Variants in KSR1 observed in about 807,000 individuals in gnomAD.
KSR1 encodes the protein kinase suppressor of ras 1.
A neutral mutation model predicts 92.9 loss-of-function variants in KSR1; 35 were observed. The observed-to-expected ratio is 0.38, with a 90% CI of 0.29 to 0.50. KSR1 has a LOEUF of 0.50. Ranked by LOEUF, KSR1 falls within the 20% of genes least tolerant of loss-of-function variation. The pLI, the probability that KSR1 is intolerant of heterozygous loss-of-function variation, is 0.94. For synonymous variants in KSR1, 467 were observed against 472.6 expected (o/e 0.99, Z 0.15); for missense variants, 972 against 1,158.5 (o/e 0.84, Z 2.34).
At chr17:27,505,011 A>C (rs1054966196) in intron 1 of KSR1, among the ~76,000 whole-genome samples, 1 of 152,168 alleles carries the variant, frequency 6.6e-6, no homozygotes, top group African/African-American at 2.4e-5. Flanking sequence ...TGTCCCATAA[A>C]GCCAGGGAAA....
Position 27,492,519 on chromosome 17 carries a change from T to G in KSR1, c.231+35645T>G, listed in dbSNP as rs377738469. ...AGCTGCCATGTGACCTTGGACAAGC[T>G]GCTTCCCTTCCCTTGCTTGGGCTGA... is the stretch of plus-strand genomic sequence containing the variant. On this transcript the variant is annotated intron_variant, in intron 1 of 20. Transcript: ENST00000644974. 1.8e-4 allele frequency among the ~76,000 whole-genome samples: 28 copies of G among 152,332 alleles called. 1 individual carries two copies. The East Asian group carries it at 3.9e-3, about 21-fold the overall frequency.
intron 1 of KSR1, among the ~76,000 whole-genome samples, chr17:27,482,785 T>G (rs975623015): frequency 6.6e-6 from 1 of 152,118 alleles, no homozygotes; most frequent in Non-Finnish European, 1.5e-5. Context: ...ATAAATGAAA[T>G]AAGTGGAGGG....
chr17:27,603,966 C>A, intron 12 of KSR1, 78 bp downstream of exon 12: 2 of 1,409,240 alleles, frequency 1.4e-6, no homozygotes, highest in African/African-American at 1.4e-5. Flanking sequence ...GGCCACCTCC[C>A]ACTCCACCTT....
At chr17:27,487,109 A>G (rs1465593745) in intron 1 of KSR1, among the ~76,000 whole-genome samples, 1 of 152,212 alleles carries the variant, frequency 6.6e-6, no homozygotes, top group Non-Finnish European at 1.5e-5. Flanking sequence ...GTTGCTATAC[A>G]GGACTACCTA....
At chr17:27,497,259 G>T (rs889782951) in intron 1 of KSR1, among the ~76,000 whole-genome samples, 4 of 152,120 alleles carry the variant, frequency 2.6e-5, no homozygotes, top group African/African-American at 9.7e-5. Flanking sequence ...CAGAGAAACA[G>T]AGGCTGAAGC....
chr17:27,611,745 C>A, intron 18 of KSR1, 116 bp downstream of exon 18: 1 of 1,161,106 alleles, frequency 8.6e-7, no homozygotes. Context: ...GCTCTGCCAC[C>A]TGCACGTGTC....
At chr17:27,539,115 C>G (rs555512297) in intron 1 of KSR1, among the ~76,000 whole-genome samples, 13 of 152,322 alleles carry the variant, frequency 8.5e-5, no homozygotes, top group South Asian at 4.1e-4. Flanking sequence ...GCAGCCTCTG[C>G]CTTTTTCACT....
In KSR1 at chr17:27,578,181, G is replaced by A. The variant is rs780644618; in HGVS notation, c.520+542G>A. ...TATTCACAGGCTTTCTAAATCTTGC[G>A]TCGGAAACAGCTTCAAATGCCTGAC... On this transcript the variant is annotated intron_variant, in intron 3 of 20. Transcript: ENST00000644974. The A allele has an allele frequency of 4.8e-5, 8 of 168,392 alleles. No homozygotes were observed. In the East Asian group the frequency reaches 7.5e-4, roughly 16 times the overall value. The allele number at this position is 168,392 out of a possible 1,614,324, so 10.4% of individuals were successfully genotyped here. A position where few individuals can be genotyped will look rare whatever the true frequency, so the allele number is the denominator to read the frequency against.
At position 27,605,806 on chromosome 17, in the gene KSR1, A is replaced by G; in HGVS notation, c.1987A>G (p.Ile663Val). ...CATGAACCCGCCCCACCTGGCCATTATCACCAGGTAACCAAGCCCTAGGAC... is the reference window on the plus strand; with the variant it reads ...CATGAACCCGCCCCACCTGGCCATTGTCACCAGGTAACCAAGCCCTAGGAC... Reference protein sequence around the residue: ...ACMNPPHLAIITSFCKGRTLH... With the variant: ...ACMNPPHLAIVTSFCKGRTLH... The change falls in exon 14 of 21, where the codon ATC (isoleucine) becomes GTC (valine). Residue 663 changes from isoleucine to valine, a missense_variant. Physicochemically the swap from Ile to Val is conservative, Grantham distance 29. Coordinates refer to ENST00000644974, the MANE Select transcript of KSR1 (RefSeq NM_001394583.1). 7 of 1,612,546 alleles carry G rather than the reference A, an allele frequency of 4.3e-6. No homozygotes were observed. Among genetic ancestry groups the G allele is most frequent in the Non-Finnish European group, 5.9e-6 (7 of 1,179,762 alleles).
chr17:27,588,299 A>G lies in KSR1; in HGVS notation c.986-176A>G, dbSNP rs191614533. The G allele has an allele frequency of 1.9e-3, 876 of 454,656 alleles. 8 individuals carry two copies. Among genetic ancestry groups the G allele is most frequent in the Non-Finnish European group, 6.6e-4 (172 of 261,814 alleles). The allele number at this position is 454,656 out of a possible 1,614,324, so 28.2% of individuals were successfully genotyped here. Reference sequence around the variant, plus strand: ...CAAGCGAGGCGAGGGGAACCACACCATGCCACTGGGCTAGCCTGGCCTGCT... The same window carrying G: ...CAAGCGAGGCGAGGGGAACCACACCGTGCCACTGGGCTAGCCTGGCCTGCT... On this transcript the variant is annotated intron_variant, in intron 5 of 20. Transcript: ENST00000644974.
At chr17:27,614,259 A>G (rs1301173353) in intron 18 of KSR1, among the ~76,000 whole-genome samples, 1 of 152,242 alleles carries the variant, frequency 6.6e-6, no homozygotes, top group African/African-American at 2.4e-5. Context: ...CTGTGGCCGC[A>G]CCATAATGTA....
At chr17:27,576,222 C>T (rs567195140) in intron 2 of KSR1, among the ~76,000 whole-genome samples, 15 of 152,150 alleles carry the variant, frequency 9.9e-5, no homozygotes, top group African/African-American at 3.6e-4. Flanking sequence ...GATAATTTCC[C>T]TTTTGCTGTA....
intron 1 of KSR1, among the ~76,000 whole-genome samples, chr17:27,503,111 C>A (rs1053025790): frequency 6.6e-6 from 1 of 152,154 alleles, no homozygotes. Context: ...TAAGAGAGTT[C>A]TGAGTAAGAT....
At chr17:27,547,024 A>G (rs923351357) in intron 1 of KSR1, among the ~76,000 whole-genome samples, 2 of 152,068 alleles carry the variant, frequency 1.3e-5, no homozygotes, top group South Asian at 2.1e-4. Context: ...TAAAAACTGT[A>G]CAGTTGAGAG....
intron 1 of KSR1, among the ~76,000 whole-genome samples, chr17:27,510,551 A>T (rs1042763810): frequency 6.6e-6 from 1 of 151,914 alleles, no homozygotes; most frequent in African/African-American, 2.4e-5. Context: ...AAGTCCTAAC[A>T]CCGAAGAGCT....
In KSR1 at chr17:27,559,379, C is replaced by T. The variant is rs1336524278; in HGVS notation, c.372+8671C>T. On this transcript the variant is annotated intron_variant, in intron 2 of 20. Coordinates refer to ENST00000644974, the MANE Select transcript of KSR1 (RefSeq NM_001394583.1). The surrounding 1 kb of genome is among the most constrained non-coding windows in gnomAD (Gnocchi z 4.2). ...GCAATGCCTGCATGTGTTTGCCCAA[C>T]CACTAGATCTTCATCTAGAGCAGCG... Among the ~76,000 whole-genome samples the T allele has an allele frequency of 6.6e-6, 1 of 152,236 alleles. No homozygotes were observed. Among genetic ancestry groups the T allele is most frequent in the Admixed American group, 6.5e-5 (1 of 15,288 alleles).
At chr17:27,538,717 A>T (rs922425561) in intron 1 of KSR1, among the ~76,000 whole-genome samples, 3 of 152,160 alleles carry the variant, frequency 2.0e-5, no homozygotes, top group African/African-American at 7.2e-5. Flanking sequence ...GGGAGCTGAT[A>T]TTAGGTGGAG....
At chr17:27,622,281 T>C (rs906465998) in intron 20 of KSR1, 12 of 363,534 alleles carry the variant, frequency 3.3e-5, no homozygotes, top group African/African-American at 2.3e-4. Flanking sequence ...GGTGGCTCTG[T>C]CTCACTGCTA....
intron 10 of KSR1, among the ~76,000 whole-genome samples, chr17:27,600,617 G>A (rs1001519239): frequency 2.6e-5 from 4 of 152,040 alleles, no homozygotes; most frequent in African/African-American, 4.8e-5. Context: ...TCCCGCCAGC[G>A]TCACCACAGA....
Sources: allele counts gnomAD v4.1 joint callset (sites outside exome capture counted in the v4.1 genomes callset), GRCh38; gene constraint gnomAD v4.1.1; non-coding constraint Gnocchi (gnomAD v3.1); transcripts MANE v1.5; gene names NCBI Gene and HGNC (gene_info 2026-07-23, HGNC 2026-07-21).